Variants in PCDH15 observed in about 807,000 individuals in gnomAD.
PCDH15 encodes the protein protocadherin related 15.
A neutral mutation model predicts 178.5 loss-of-function variants in PCDH15; 129 were observed. That is an observed-to-expected ratio of 0.72 (90% confidence interval 0.63 to 0.84). PCDH15 has a LOEUF of 0.84. PCDH15 is among the 40% of genes least tolerant of loss of function. The pLI is 0.00. For synonymous variants in PCDH15, 800 were observed against 732.0 expected (o/e 1.09, Z -1.50); for missense variants, 2,230 against 2,099.9 (o/e 1.06, Z -1.21).
chr10:54,536,112 C>G (rs1000935413), intron 2 of PCDH15, among the ~76,000 whole-genome samples: 2 of 152,092 alleles, frequency 1.3e-5, no homozygotes, highest in Admixed American at 1.3e-4. Context: ...CAAAAGAGGC[C>G]ATATAATGTT....
chr10:54,917,683 TG>T (rs1021860387), intron 2 of PCDH15, among the ~76,000 whole-genome samples: 2 of 152,064 alleles, frequency 1.3e-5, no homozygotes, highest in African/African-American at 4.8e-5. Flanking sequence ...CATCAAAACC[TG>T]ATGTGAAGAA....
intron 9 of PCDH15, among the ~76,000 whole-genome samples, chr10:54,232,924 C>CTTTTTTTTTTTTTTTTTTTT (rs762364718): frequency 7.3e-5 from 8 of 109,226 alleles, no homozygotes; most frequent in African/African-American, 3.0e-4. Flanking sequence ...AGCTTTCTTT[C>CTTTTTTTTTTTTTTTTTTTT]TTTTTTTTTT....
At chr10:54,451,444 T>C (rs1018967991) in intron 3 of PCDH15, among the ~76,000 whole-genome samples, 1 of 151,932 alleles carries the variant, frequency 6.6e-6, no homozygotes, top group African/African-American at 2.4e-5. Flanking sequence ...TCTGGTCAAA[T>C]CATTTGGAAA....
intron 18 of PCDH15, among the ~76,000 whole-genome samples, chr10:54,039,974 C>T (rs2093504405): frequency 1.3e-5 from 2 of 151,952 alleles, no homozygotes; most frequent in African/African-American, 4.8e-5. Flanking sequence ...TATGTGAGGG[C>T]AGTGGGTGGG....
chr10:55,446,867 A>G (rs914456461), intron 2 of PCDH15, among the ~76,000 whole-genome samples: 1 of 152,118 alleles, frequency 6.6e-6, no homozygotes, highest in African/African-American at 2.4e-5. Context: ...CTCAGCTAAG[A>G]CTTGTGAAGC....
At chr10:53,992,130 A>G (rs1186141132) in intron 21 of PCDH15, among the ~76,000 whole-genome samples, 1 of 152,134 alleles carries the variant, frequency 6.6e-6, no homozygotes, top group Non-Finnish European at 1.5e-5. Flanking sequence ...AGGAATGAGC[A>G]ACTCTGGACG....
intron 2 of PCDH15, among the ~76,000 whole-genome samples, chr10:55,521,784 C>T (rs1369982461): frequency 1.3e-5 from 2 of 151,858 alleles, no homozygotes; most frequent in Non-Finnish European, 2.9e-5. Flanking sequence ...TAAGTCAAAA[C>T]TGCATTTAAT....
chr10:55,149,479 A>G (rs1838636165), intron 2 of PCDH15, among the ~76,000 whole-genome samples: 1 of 152,084 alleles, frequency 6.6e-6, no homozygotes. Flanking sequence ...ATGCATATTT[A>G]ACAAAAAGGA....
chr10:54,724,570 G>T (rs979618532), intron 1 of PCDH15, among the ~76,000 whole-genome samples: 1 of 151,446 alleles, frequency 6.6e-6, no homozygotes, highest in Non-Finnish European at 1.5e-5. Context: ...TAGCTGTAGA[G>T]AGTAGTATAT....
At chr10:55,067,110 A>G (rs540323088) in intron 2 of PCDH15, among the ~76,000 whole-genome samples, 1 of 152,120 alleles carries the variant, frequency 6.6e-6, no homozygotes, top group South Asian at 2.1e-4. Context: ...AGGATATAAT[A>G]AAAAGATGGC....
At chr10:55,106,664 C>G (rs1163064395) in intron 2 of PCDH15, among the ~76,000 whole-genome samples, 1 of 152,142 alleles carries the variant, frequency 6.6e-6, no homozygotes, top group Admixed American at 6.5e-5. Context: ...GATCCACCCA[C>G]CTCGGCCTCC....
At chr10:53,963,271 T>G (rs576804274) in intron 21 of PCDH15, among the ~76,000 whole-genome samples, 1 of 152,336 alleles carries the variant, frequency 6.6e-6, no homozygotes, top group African/African-American at 2.4e-5. Context: ...TTCTGTTAGT[T>G]CAGTCCTTTC....
chr10:54,741,580 C>G (rs903261379), intron 1 of PCDH15, among the ~76,000 whole-genome samples: 4 of 151,954 alleles, frequency 2.6e-5, no homozygotes, highest in Non-Finnish European at 5.9e-5. Flanking sequence ...TTTTGGAAGT[C>G]AGAAGTAAAA....
chr10:55,116,394 T>C (rs2132061323), intron 2 of PCDH15, among the ~76,000 whole-genome samples: 1 of 152,282 alleles, frequency 6.6e-6, no homozygotes, highest in South Asian at 2.1e-4. Context: ...AGTAATTTCA[T>C]ATAGTTCAAT....
At chr10:54,982,224 C>G (rs1282224140) in intron 2 of PCDH15, among the ~76,000 whole-genome samples, 1 of 152,102 alleles carries the variant, frequency 6.6e-6, no homozygotes, top group Non-Finnish European at 1.5e-5. Flanking sequence ...TTGAACTCCT[C>G]TTGTCTTCAA....
rs747960312 is a variant in PCDH15, at chr10:54,502,307, C to T, written c.157+25505G>A. Among the ~76,000 whole-genome samples, 13 of 152,150 alleles carry T rather than the reference C, an allele frequency of 8.5e-5. 1 individual carries two copies. Among genetic ancestry groups the T allele is most frequent in the South Asian group, 2.1e-4 (1 of 4,826 alleles). On this transcript the variant is annotated intron_variant, in intron 3 of 37. Coordinates refer to ENST00000644397, the MANE Select transcript of PCDH15 (RefSeq NM_001384140.1). ...ATAAAGAGACTATAATCAGTGTAAG[C>T]AGTTATTAACTACCCTGCTTATCTT...
At chr10:54,857,065 G>A (rs1332223859) in intron 3 of PCDH15, among the ~76,000 whole-genome samples, 1 of 152,062 alleles carries the variant, frequency 6.6e-6, no homozygotes, top group Admixed American at 6.6e-5. Context: ...TAATCTGCAG[G>A]TCGTAAGTGT....
chr10:54,348,835 T>C (rs1000721577), intron 5 of PCDH15, among the ~76,000 whole-genome samples: 1 of 152,172 alleles, frequency 6.6e-6, no homozygotes, highest in Admixed American at 6.5e-5. Flanking sequence ...TCAATCCATA[T>C]CCCAGCCCCT....
At chr10:54,759,709 A>G (rs1217095809) in intron 1 of PCDH15, among the ~76,000 whole-genome samples, 1 of 152,232 alleles carries the variant, frequency 6.6e-6, no homozygotes, top group African/African-American at 2.4e-5. Context: ...AATAATGCAC[A>G]CTATCAGGAC....
Sources: allele counts gnomAD v4.1 joint callset (sites outside exome capture counted in the v4.1 genomes callset), GRCh38; gene constraint gnomAD v4.1.1; transcripts MANE v1.5; gene names NCBI Gene and HGNC (gene_info 2026-07-23, HGNC 2026-07-21).